Variants in VWC2L observed in about 807,000 individuals in gnomAD.
VWC2L encodes von Willebrand factor C domain containing 2 like, also known as von Willebrand factor C domain-containing protein 2-like.
Under a neutral mutation model 21.6 loss-of-function variants are expected in VWC2L, and 10 were observed. That is an observed-to-expected ratio of 0.46 (90% CI 0.29 to 0.78). The LOEUF is 0.78. VWC2L is among the 30% of genes least tolerant of loss of function. VWC2L has a pLI of 0.10. For missense variants in VWC2L, 209 were observed against 277.1 expected (o/e 0.75, Z 1.74); for synonymous variants, 96 against 94.3 (o/e 1.02, Z -0.10).
chr2:214,448,970 C>T (rs756771807), intron 3 of VWC2L, among the ~76,000 whole-genome samples: 8 of 152,172 alleles, frequency 5.3e-5, no homozygotes, highest in Non-Finnish European at 8.8e-5. Flanking sequence ...GTCTTCTCCT[C>T]TATGGGCCAG....
intron 2 of VWC2L, among the ~76,000 whole-genome samples, chr2:214,434,459 G>A (rs1702647709): frequency 6.6e-6 from 1 of 152,092 alleles, no homozygotes; most frequent in Admixed American, 6.6e-5. Flanking sequence ...CAAGTTAATG[G>A]ACTTCTCTTT....
intron 3 of VWC2L, among the ~76,000 whole-genome samples, chr2:214,545,998 C>T (rs972276277): frequency 6.6e-6 from 1 of 152,184 alleles, no homozygotes; most frequent in Non-Finnish European, 1.5e-5. Flanking sequence ...TATCCAACCT[C>T]CTATCACCTC....
intron 3 of VWC2L, among the ~76,000 whole-genome samples, chr2:214,456,464 C>T (rs974113200): frequency 1.3e-5 from 2 of 151,936 alleles, no homozygotes; most frequent in Non-Finnish European, 2.9e-5. Flanking sequence ...ATATTCCGGA[C>T]ATTACGCCTT....
intron 3 of VWC2L, among the ~76,000 whole-genome samples, chr2:214,539,247 A>G (rs577826133): frequency 1.1e-3 from 165 of 152,166 alleles, no homozygotes; most frequent in Non-Finnish European, 2.1e-3. Flanking sequence ...GCATAACCCA[A>G]TTGGCATCAA....
chr2:214,448,055 C>A (rs1011114852), intron 3 of VWC2L, among the ~76,000 whole-genome samples: 5 of 152,058 alleles, frequency 3.3e-5, no homozygotes, highest in African/African-American at 1.2e-4. Context: ...AGTTAACAAC[C>A]CAAATCACCA....
intron 3 of VWC2L, among the ~76,000 whole-genome samples, chr2:214,451,868 T>G (rs549501236): frequency 6.6e-6 from 1 of 152,346 alleles, no homozygotes; most frequent in South Asian, 2.1e-4. Context: ...TTTTAAATAA[T>G]TCTATCGAGA....
At chr2:214,503,865 T>C (rs1189267570) in intron 3 of VWC2L, among the ~76,000 whole-genome samples, 1 of 152,360 alleles carries the variant, frequency 6.6e-6, no homozygotes, top group South Asian at 2.1e-4. Context: ...CACCACATCA[T>C]ACAGCTACCA....
At chr2:214,539,014 T>C (rs1286370364) in intron 3 of VWC2L, among the ~76,000 whole-genome samples, 1 of 152,176 alleles carries the variant, frequency 6.6e-6, no homozygotes, top group Non-Finnish European at 1.5e-5. Context: ...CTTGCATGAA[T>C]GGATATCTGG....
intron 3 of VWC2L, among the ~76,000 whole-genome samples, chr2:214,520,931 T>C (rs1689228290): frequency 1.3e-5 from 2 of 152,054 alleles, no homozygotes; most frequent in Admixed American, 1.3e-4. Context: ...ATTCAAAAGC[T>C]ACCAAGTTTG....
chr2:214,522,944 T>C (rs1400055753), intron 3 of VWC2L, among the ~76,000 whole-genome samples: 1 of 152,188 alleles, frequency 6.6e-6, no homozygotes, highest in Non-Finnish European at 1.5e-5. Context: ...CTCTTTTTAA[T>C]ATAAGAAGAA....
intron 3 of VWC2L, among the ~76,000 whole-genome samples, chr2:214,543,216 G>T (rs558763224): frequency 6.6e-6 from 1 of 152,156 alleles, no homozygotes; most frequent in East Asian, 1.9e-4. Flanking sequence ...GAATAGAAAT[G>T]GTTTCATTAA....
At chr2:214,447,367 A>T (rs914203694) in intron 3 of VWC2L, among the ~76,000 whole-genome samples, 3 of 152,168 alleles carry the variant, frequency 2.0e-5, no homozygotes, top group Non-Finnish European at 4.4e-5. Context: ...AGGTACCCAG[A>T]GATCAAGTGG....
chr2:214,505,399 T>C (rs1384865376), intron 3 of VWC2L, among the ~76,000 whole-genome samples: 1 of 152,204 alleles, frequency 6.6e-6, no homozygotes, highest in East Asian at 1.9e-4. Context: ...ATTTGTTCTC[T>C]TTTTTGCAGT....
intron 3 of VWC2L, among the ~76,000 whole-genome samples, chr2:214,494,180 A>C (rs4365462): frequency 0.89 from 135,583 of 152,114 alleles, 61,586 homozygotes; most frequent in East Asian, 0.99. Context: ...TTATTCCCAC[A>C]TAAACAGGAA....
intron 3 of VWC2L, among the ~76,000 whole-genome samples, chr2:214,510,030 A>C (rs1223598809): frequency 1.3e-5 from 2 of 152,234 alleles, no homozygotes; most frequent in Non-Finnish European, 2.9e-5. Context: ...AGTTGAAACT[A>C]TGGGATTACA....
chr2:214,477,698 A>T (rs1688544355), intron 3 of VWC2L, among the ~76,000 whole-genome samples: 1 of 152,232 alleles, frequency 6.6e-6, no homozygotes, highest in Non-Finnish European at 1.5e-5. Context: ...CTAGTAAATG[A>T]TGTAGCAGAA....
Position 214,444,520 on chromosome 2 carries a change from T to C in VWC2L, c.520+7762T>C, listed in dbSNP as rs538360348. Among the ~76,000 whole-genome samples, 24 of 152,200 alleles carry C rather than the reference T, an allele frequency of 1.6e-4. No individual in the cohort carries two copies. In the South Asian group the frequency reaches 4.8e-3, roughly 30 times the overall value. ...AACAATAAATTAAATGGAAATTCTA[T>C]ACAATTTTCTATGGGATGTAACTTT... On this transcript the variant is annotated intron_variant, in intron 3 of 3. Transcript: ENST00000312504.
chr2:214,575,562 T>C (rs1648810648), intron 3 of VWC2L, 110 bp from the exon 4 acceptor site: 2 of 1,186,000 alleles, frequency 1.7e-6, no homozygotes, highest in Admixed American at 2.0e-5. Flanking sequence ...GATAAGTCAG[T>C]AGAGTAGTCT....
intron 3 of VWC2L, among the ~76,000 whole-genome samples, chr2:214,564,613 T>C (rs1690034071): frequency 6.6e-6 from 1 of 152,196 alleles, no homozygotes; most frequent in African/African-American, 2.4e-5. Flanking sequence ...TTGAAGGCTT[T>C]GTTTGGCCTT....
Sources: gnomAD v4.1 joint callset for allele counts (sites outside exome capture counted in the v4.1 genomes callset) on GRCh38, gnomAD v4.1.1 for gene constraint, MANE v1.5 for transcripts, NCBI Gene and HGNC (gene_info 2026-07-23, HGNC 2026-07-21) for gene names.